ST6GALNAC3: variants seen among roughly 807,000 people sequenced by gnomAD.
ST6GALNAC3 encodes alpha-N-acetylgalactosaminide alpha-2,6-sialyltransferase 3.
Under a neutral mutation model 32.7 loss-of-function variants are expected in ST6GALNAC3, and 25 were observed. That is an observed-to-expected ratio of 0.76 (90% CI 0.56 to 1.07). The LOEUF (loss-of-function observed/expected upper bound fraction) is 1.07, where lower values mean the gene tolerates loss of function less well. ST6GALNAC3 is among the 50% of genes least tolerant of loss of function. The pLI is 0.00. For synonymous variants in ST6GALNAC3, 129 were observed against 133.1 expected (o/e 0.97, Z 0.21); for missense variants, 355 against 382.4 (o/e 0.93, Z 0.60).
intron 1 of ST6GALNAC3, among the ~76,000 whole-genome samples, chr1:76,124,621 G>T (rs1344912261): frequency 1.3e-5 from 2 of 152,252 alleles, no homozygotes; most frequent in South Asian, 4.1e-4. Context: ...GGTCAGCCTG[G>T]CCCCAACTTT....
At chr1:76,233,659 A>C (rs1235458938) in intron 1 of ST6GALNAC3, among the ~76,000 whole-genome samples, 1 of 152,090 alleles carries the variant, frequency 6.6e-6, no homozygotes, top group Non-Finnish European at 1.5e-5. Context: ...ATTGCTAAGA[A>C]CTTCATCTAC....
At chr1:76,109,496 A>G (rs983207484) in intron 1 of ST6GALNAC3, among the ~76,000 whole-genome samples, 1 of 152,248 alleles carries the variant, frequency 6.6e-6, no homozygotes, top group Non-Finnish European at 1.5e-5. Context: ...CATTCAAAGG[A>G]AAAGCAGCCA....
chr1:76,605,857 T>A, intron 3 of ST6GALNAC3, among the ~76,000 whole-genome samples: 1 of 23,022 alleles, frequency 4.3e-5, no homozygotes, highest in Non-Finnish European at 6.7e-5. Flanking sequence ...AGAGGGAGAC[T>A]CCATAAAAAA....
intron 3 of ST6GALNAC3, among the ~76,000 whole-genome samples, chr1:76,531,792 G>T (rs1371143029): frequency 6.6e-6 from 1 of 152,138 alleles, no homozygotes; most frequent in East Asian, 1.9e-4. Context: ...GGAGGTCAAA[G>T]GTCAAGGTAA....
intron 2 of ST6GALNAC3, among the ~76,000 whole-genome samples, chr1:76,348,326 G>A (rs558925162): frequency 3.0e-4 from 46 of 152,202 alleles, no homozygotes; most frequent in African/African-American, 9.6e-4. Context: ...GTATATTTCC[G>A]AATGTGTAAG....
chr1:76,313,185 A>C (rs947530553), intron 1 of ST6GALNAC3, among the ~76,000 whole-genome samples: 9 of 152,188 alleles, frequency 5.9e-5, no homozygotes, highest in Admixed American at 2.0e-4. Context: ...AAGAATGTGA[A>C]CATCCATTCA....
chr1:76,428,881 G>A (rs951518996), intron 3 of ST6GALNAC3, among the ~76,000 whole-genome samples: 8 of 151,968 alleles, frequency 5.3e-5, no homozygotes, highest in Admixed American at 3.9e-4. Flanking sequence ...TTGTATATGC[G>A]GAGACATTAG....
chr1:76,187,894 A>C (rs1392024260), intron 1 of ST6GALNAC3, among the ~76,000 whole-genome samples: 1 of 152,042 alleles, frequency 6.6e-6, no homozygotes, highest in Non-Finnish European at 1.5e-5. Flanking sequence ...ACCTCCCTCC[A>C]GCCTCCAGGC....
At position 76,233,987 on chromosome 1, in the gene ST6GALNAC3, T is replaced by A. The variant is rs519797; in HGVS notation, c.19-79818T>A. On this transcript the variant is annotated intron_variant, in intron 1 of 4. Transcript: ENST00000328299. ...CTTAGAGGGACGATAATGAAAACAT[T>A]TAAGAATTACTGGCAATTGATATTT... 1.7e-4 allele frequency among the ~76,000 whole-genome samples: 26 copies of A among 152,068 alleles called. No homozygotes were observed. In the East Asian group the frequency reaches 4.8e-3, roughly 28 times the overall value.
Position 76,259,432 on chromosome 1 carries a change from A to G in ST6GALNAC3, c.19-54373A>G, listed in dbSNP as rs1369390849. Among the ~76,000 whole-genome samples the G allele has an allele frequency of 3.3e-5, 5 of 152,164 alleles. No homozygotes were observed. In the East Asian group the frequency reaches 7.7e-4, roughly 24 times the overall value. On this transcript the variant is annotated intron_variant, in intron 1 of 4. Coordinates refer to ENST00000328299, the MANE Select transcript of ST6GALNAC3 (RefSeq NM_152996.4). The stretch of plus-strand genomic sequence containing the variant: ...GTCCTCGTTTCATGTGACAATATCT[A>G]TCACATGCAGTGTTGGGTAAAACAC...
chr1:76,147,380 T>C (rs1650754834), intron 1 of ST6GALNAC3, among the ~76,000 whole-genome samples: 1 of 152,168 alleles, frequency 6.6e-6, no homozygotes. Context: ...TCACTTTTAC[T>C]GCTAAGGCTT....
chr1:76,306,071 A>G (rs1323881293), intron 1 of ST6GALNAC3: 2 of 325,914 alleles, frequency 6.1e-6, no homozygotes, highest in South Asian at 5.3e-5. Context: ...TACCTAATTC[A>G]TATGGAAAAT....
At chr1:76,276,547 C>T (rs545025298) in intron 1 of ST6GALNAC3, among the ~76,000 whole-genome samples, 19 of 152,202 alleles carry the variant, frequency 1.2e-4, no homozygotes, top group Middle Eastern at 3.4e-3. Context: ...GATTAAGCCA[C>T]AGTTTACTTA....
intron 1 of ST6GALNAC3, among the ~76,000 whole-genome samples, chr1:76,235,690 C>G (rs903460535): frequency 5.3e-5 from 8 of 149,660 alleles, no homozygotes; most frequent in African/African-American, 2.0e-4. Context: ...TTTACTAGGG[C>G]TATGGTAACA....
chr1:76,232,449 G>A (rs1656419615), intron 1 of ST6GALNAC3, among the ~76,000 whole-genome samples: 1 of 152,134 alleles, frequency 6.6e-6, no homozygotes, highest in South Asian at 2.1e-4. Context: ...TTGCCAGAGT[G>A]GGCTGGAATC....
chr1:76,441,293 A>G (rs1656583755), intron 3 of ST6GALNAC3, among the ~76,000 whole-genome samples: 1 of 152,048 alleles, frequency 6.6e-6, no homozygotes, highest in Non-Finnish European at 1.5e-5. Context: ...GTAGTTTATT[A>G]CCTACATTAT....
intron 1 of ST6GALNAC3, among the ~76,000 whole-genome samples, chr1:76,131,906 T>G (rs184639669): frequency 6.6e-6 from 1 of 152,224 alleles, no homozygotes; most frequent in Non-Finnish European, 1.5e-5. Context: ...TACCAAAATG[T>G]CATTACCCAT....
chr1:76,572,571 C>T (rs978885556), intron 3 of ST6GALNAC3, among the ~76,000 whole-genome samples: 6 of 152,086 alleles, frequency 3.9e-5, no homozygotes, highest in Admixed American at 2.0e-4. Flanking sequence ...TTTGCCAGAT[C>T]ACCAGATGCA....
At chr1:76,241,195 T>A (rs979270532) in intron 1 of ST6GALNAC3, among the ~76,000 whole-genome samples, 12 of 152,216 alleles carry the variant, frequency 7.9e-5, no homozygotes, top group African/African-American at 2.9e-4. Flanking sequence ...TATGTTGCTA[T>A]TGAGTACCTT....
Sources: allele counts gnomAD v4.1 joint callset (sites outside exome capture counted in the v4.1 genomes callset), GRCh38; gene constraint gnomAD v4.1.1; transcripts MANE v1.5; gene names NCBI Gene and HGNC (gene_info 2026-07-23, HGNC 2026-07-21).